Variants in ITIH5 observed in about 807,000 individuals in gnomAD.
ITIH5 encodes inter-alpha-trypsin inhibitor heavy chain H5.
Under a neutral mutation model 77.5 loss-of-function variants are expected in ITIH5, and 65 were observed. The observed-to-expected ratio is 0.84, with a 90% CI of 0.69 to 1.03. ITIH5 has a LOEUF of 1.03. Ranked by LOEUF, ITIH5 falls within the 50% of genes least tolerant of loss-of-function variation. The probability of loss-of-function intolerance (pLI) is 0.00; values close to 1 mark genes in which losing one functional copy is unlikely to be tolerated. For synonymous variants in ITIH5, 525 were observed against 494.3 expected, an observed-to-expected ratio of 1.06 and a Z score of -0.82; for missense variants, 1,208 against 1,213.1, an observed-to-expected ratio of 1.00 and a Z score of 0.06.
At chr10:7,599,110 G>C (rs1315646580) in intron 7 of ITIH5, among the ~76,000 whole-genome samples, 1 of 152,130 alleles carries the variant, frequency 6.6e-6, no homozygotes, top group Non-Finnish European at 1.5e-5. Context: ...CGACATAGTA[G>C]GCAAATCCAT....
intron 8 of ITIH5, among the ~76,000 whole-genome samples, chr10:7,585,520 C>T (rs1006488253): frequency 4.6e-5 from 7 of 152,188 alleles, no homozygotes; most frequent in Non-Finnish European, 8.8e-5. Flanking sequence ...CCTGCCCCTG[C>T]CCAAGGTGCG....
rs142175374 is a variant in ITIH5 at position 7,629,279 on chromosome 10, G to A, written c.652+7949C>T. 2.6e-3 allele frequency among the ~76,000 whole-genome samples: 219 copies of A among 83,574 alleles called. 3 individuals carry two copies. Among genetic ancestry groups the A allele is most frequent in the African/African-American group, 9.4e-3 (213 of 22,690 alleles). The allele number at this position is 83,574 out of a possible 152,430, so 54.8% of individuals were successfully genotyped here. A position where few individuals can be genotyped will look rare whatever the true frequency, so the allele number is the denominator to read the frequency against. On this transcript the variant is annotated intron_variant, in intron 5 of 13. Coordinates refer to ENST00000397146, the MANE Select transcript of ITIH5 (RefSeq NM_030569.7). ...TTGTAGCGTGTGTCCATGTTGTAGC[G>A]TGTGTCCCTGTTGTAGCGTGTGTCC...
chr10:7,636,947 A>G (rs1019458125), intron 5 of ITIH5, among the ~76,000 whole-genome samples: 2 of 152,150 alleles, frequency 1.3e-5, no homozygotes, highest in African/African-American at 4.8e-5. Flanking sequence ...GCTACTCAGG[A>G]GGCTGAGGCA....
At chr10:7,603,405 G>A (rs1226453325) in intron 7 of ITIH5, among the ~76,000 whole-genome samples, 3 of 152,126 alleles carry the variant, frequency 2.0e-5, no homozygotes, top group African/African-American at 7.2e-5. Context: ...GGGTGAACAA[G>A]CAATGACTGC....
chr10:7,631,417 A>G (rs999442587), intron 5 of ITIH5, among the ~76,000 whole-genome samples: 10 of 152,242 alleles, frequency 6.6e-5, no homozygotes, highest in African/African-American at 2.4e-4. Flanking sequence ...CAAGTCCCAC[A>G]AGTCCAAGAA....
chr10:7,578,500 C>T (rs999827031), intron 9 of ITIH5: 1 of 160,028 alleles, frequency 6.2e-6, no homozygotes, highest in Non-Finnish European at 1.5e-5. Context: ...TCCCCTTTGA[C>T]TCTAGTTTTG....
At chr10:7,648,397 T>A (rs1240483551) in intron 2 of ITIH5, among the ~76,000 whole-genome samples, 1 of 152,258 alleles carries the variant, frequency 6.6e-6, no homozygotes, top group Non-Finnish European at 1.5e-5. Context: ...TGAACCTCAG[T>A]TATCATCCAT....
At chr10:7,659,257 T>C (rs113342855) in intron 1 of ITIH5, among the ~76,000 whole-genome samples, 6,348 of 151,942 alleles carry the variant, frequency 0.042, 252 homozygotes, top group African/African-American at 0.11. Context: ...CACACACCTA[T>C]ATTCCCAGCT....
chr10:7,636,608 C>A (rs1277949646), intron 5 of ITIH5, among the ~76,000 whole-genome samples: 1 of 152,082 alleles, frequency 6.6e-6, no homozygotes, highest in East Asian at 1.9e-4. Context: ...GTCTTTGCTA[C>A]CACAAATATT....
At chr10:7,567,347 T>TTA (rs940961599) in intron 12 of ITIH5, among the ~76,000 whole-genome samples, 1 of 148,626 alleles carries the variant, frequency 6.7e-6, no homozygotes, top group African/African-American at 2.5e-5. Flanking sequence ...ATTATTATTA[T>TTA]TATTATTATA....
intron 10 of ITIH5, among the ~76,000 whole-genome samples, chr10:7,575,161 CGTGTCTG>C (rs1832384866): frequency 6.6e-6 from 1 of 152,196 alleles, no homozygotes. Flanking sequence ...CCACGGAAGG[CGTGTCTG>C]ACATTTGTGC....
intron 9 of ITIH5, 112 bp downstream of exon 9, chr10:7,579,643 G>T: frequency 1.9e-6 from 2 of 1,064,846 alleles, no homozygotes; most frequent in Non-Finnish European, 2.8e-6. Context: ...TATGATCGTT[G>T]TCAGCAGATG....
chr10:7,650,058 A>C (rs1026944689), intron 2 of ITIH5, among the ~76,000 whole-genome samples: 3 of 152,212 alleles, frequency 2.0e-5, no homozygotes, highest in Non-Finnish European at 4.4e-5. Flanking sequence ...CAGATGGAAA[A>C]GTCATTTGAG....
At chr10:7,590,854 G>A (rs1171600029) in intron 7 of ITIH5, among the ~76,000 whole-genome samples, 2 of 152,168 alleles carry the variant, frequency 1.3e-5, no homozygotes, top group African/African-American at 4.8e-5. Flanking sequence ...TCTCTTCAAA[G>A]CCTTCCATGG....
chr10:7,627,451 T>C (rs1026515767), intron 5 of ITIH5, among the ~76,000 whole-genome samples: 5 of 152,198 alleles, frequency 3.3e-5, no homozygotes, highest in Non-Finnish European at 7.3e-5. Flanking sequence ...GATGTGTGGC[T>C]GGTCAGTAGC....
intron 5 of ITIH5, among the ~76,000 whole-genome samples, chr10:7,630,779 A>C (rs1310340563): frequency 6.6e-6 from 1 of 151,816 alleles, no homozygotes; most frequent in East Asian, 1.9e-4. Context: ...GTCTTTTTAG[A>C]ATGTATTTTT....
intron 8 of ITIH5, among the ~76,000 whole-genome samples, chr10:7,581,900 T>C (rs762843465): frequency 2.3e-5 from 3 of 131,180 alleles, no homozygotes; most frequent in African/African-American, 8.9e-5. Flanking sequence ...TTTTGAGATA[T>C]AGTCATGCTC....
At chr10:7,622,544 C>G (rs996326984) in intron 5 of ITIH5, 1 of 151,990 alleles carries the variant, frequency 6.6e-6, no homozygotes, top group Non-Finnish European at 1.5e-5. Context: ...AAAAAATGCT[C>G]TTGGATAACA....
rs1431350289 is a variant in ITIH5 at position 7,562,587 on chromosome 10, T to G, written c.*496A>C. The G allele has an allele frequency of 6.1e-6, 1 of 164,634 alleles. No individual in the cohort carries two copies. Among genetic ancestry groups the G allele is most frequent in the Admixed American group, 5.6e-5 (1 of 17,732 alleles). 10.2% of individuals were successfully genotyped at this position (164,634 alleles called of 1,614,324 possible). ...GGCCTGGACTCAGCAAGAGATTCCT[T>G]TGCAGCAGAGGTTGGCCACACATCT... On this transcript the variant is annotated 3_prime_UTR_variant, in exon 14 of 14. Transcript: ENST00000397146.
Sources: allele counts gnomAD v4.1 joint callset (sites outside exome capture counted in the v4.1 genomes callset), GRCh38; gene constraint gnomAD v4.1.1; transcripts MANE v1.5; gene names NCBI Gene and HGNC (gene_info 2026-07-23, HGNC 2026-07-21).